Variants in PCDH9 observed in about 807,000 individuals in gnomAD.
The protein encoded by PCDH9 is protocadherin-9.
A neutral mutation model predicts 70.6 loss-of-function variants in PCDH9; 24 were observed. The ratio of observed to expected loss-of-function variants is 0.34; its 90% CI spans 0.25 to 0.48. The LOEUF is 0.48. PCDH9 is among the 20% of genes least tolerant of loss of function. The pLI, the probability that PCDH9 is intolerant of heterozygous loss-of-function variation, is 0.99. For synonymous variants in PCDH9, 562 were observed against 558.5 expected, an observed-to-expected ratio of 1.01 and a Z score of -0.09; for missense variants, 1,281 against 1,503.6, an observed-to-expected ratio of 0.85 and a Z score of 2.45.
At chr13:67,004,552 C>CAAAA (rs34776193) in intron 2 of PCDH9, among the ~76,000 whole-genome samples, 4 of 123,994 alleles carry the variant, frequency 3.2e-5, no homozygotes, top group East Asian at 2.3e-4. Context: ...GACTCCGTCT[C>CAAAA]AAAAAAAAAA....
chr13:67,101,317 A>G (rs80326004), intron 2 of PCDH9, among the ~76,000 whole-genome samples: 3 of 152,112 alleles, frequency 2.0e-5, no homozygotes, highest in Non-Finnish European at 2.9e-5. Context: ...GTGCAGCTGG[A>G]AAAAAAAGTT....
At chr13:66,331,263 CTT>C (rs1955936415) in intron 4 of PCDH9, among the ~76,000 whole-genome samples, 1 of 152,168 alleles carries the variant, frequency 6.6e-6, no homozygotes, top group East Asian at 1.9e-4. Context: ...ACTGGGGAGA[CTT>C]TTCAAATTAC....
intron 3 of PCDH9, among the ~76,000 whole-genome samples, chr13:66,666,816 T>G (rs952372352): frequency 1.3e-5 from 2 of 152,218 alleles, no homozygotes; most frequent in African/African-American, 4.8e-5. Flanking sequence ...TTGCTATATT[T>G]GAGGTATGAG....
intron 3 of PCDH9, among the ~76,000 whole-genome samples, chr13:66,762,291 C>T (rs2079641745): frequency 6.6e-6 from 1 of 152,032 alleles, no homozygotes; most frequent in Non-Finnish European, 1.5e-5. Context: ...ATGATGCAGG[C>T]CAAAGATTTT....
At chr13:66,416,411 C>T (rs766723006) in intron 4 of PCDH9, among the ~76,000 whole-genome samples, 12 of 151,916 alleles carry the variant, frequency 7.9e-5, no homozygotes, top group African/African-American at 1.5e-4. Context: ...CCCCAACAGC[C>T]GACCATATGG....
chr13:66,819,637 C>G (rs2080674369), intron 3 of PCDH9, among the ~76,000 whole-genome samples: 1 of 152,164 alleles, frequency 6.6e-6, no homozygotes, highest in Admixed American at 6.5e-5. Context: ...CTCCTGTAAT[C>G]CCAGCTCTTG....
rs771816767 is a variant in PCDH9 at position 67,121,971 on chromosome 13, C to T, written c.3036+103434G>A. 6.6e-5 allele frequency among the ~76,000 whole-genome samples: 10 copies of T among 152,008 alleles called. 1 individual carries two copies. Among genetic ancestry groups the T allele is most frequent in the Admixed American group, 1.3e-4 (2 of 15,242 alleles). Reference sequence around the variant, plus strand: ...GTACACATATCTATTTTAAAGTGGCCAAGTTAAATATATTGACTAGTCCTT... The same window carrying T: ...GTACACATATCTATTTTAAAGTGGCTAAGTTAAATATATTGACTAGTCCTT... On this transcript the variant is annotated intron_variant, in intron 2 of 4. Coordinates refer to ENST00000377865, the MANE Select transcript of PCDH9 (RefSeq NM_203487.3).
At chr13:66,513,222 C>G (rs1959574975) in intron 4 of PCDH9, among the ~76,000 whole-genome samples, 1 of 144,656 alleles carries the variant, frequency 6.9e-6, no homozygotes, top group Non-Finnish European at 1.5e-5. Context: ...TGTCAGGACA[C>G]TTTATATGCC....
Position 67,226,270 on chromosome 13 carries a change from C to T in PCDH9, c.2171G>A (p.Gly724Asp), listed in dbSNP as rs771274467. The change falls in exon 2 of 5, where the codon GGC (glycine) becomes GAC (aspartate). Residue 724 changes from glycine (G) to aspartate (D), a missense_variant. Transcript: ENST00000377865. The surrounding 1 kb of genome is among the most constrained non-coding windows in gnomAD (Gnocchi z 5.0). ...KYTIVSGNNK[G>D]LFRIDPVTGN... ...TGTTACTGGATCAATCCGGAATAAG[C>T]CTTTATTGTTTCCACTCACTATAGT... 1 of 1,614,128 alleles carries T rather than the reference C, an allele frequency of 6.2e-7. No individual in the cohort carries two copies. Among genetic ancestry groups the T allele is most frequent in the Admixed American group, 1.7e-5 (1 of 60,012 alleles).
intron 2 of PCDH9, among the ~76,000 whole-genome samples, chr13:67,036,997 T>G (rs1021221308): frequency 2.0e-5 from 3 of 152,172 alleles, no homozygotes; most frequent in African/African-American, 7.2e-5. Context: ...GGTTGTAAAT[T>G]AAAACCAGGG....
intron 4 of PCDH9, among the ~76,000 whole-genome samples, chr13:66,377,317 G>C (rs554638021): frequency 6.6e-6 from 1 of 152,158 alleles, no homozygotes; most frequent in East Asian, 1.9e-4. Flanking sequence ...GCCAGTCCCC[G>C]CCCTGAGTTT....
At chr13:66,745,727 A>G (rs965705901) in intron 3 of PCDH9, among the ~76,000 whole-genome samples, 5 of 152,110 alleles carry the variant, frequency 3.3e-5, no homozygotes, top group Non-Finnish European at 7.4e-5. Context: ...TATCTCCCCC[A>G]TTCCATGGAG....
intron 4 of PCDH9, among the ~76,000 whole-genome samples, chr13:66,432,978 A>T (rs1380163195): frequency 6.6e-6 from 1 of 151,956 alleles, no homozygotes; most frequent in African/African-American, 2.4e-5. Context: ...TGCTATGAGG[A>T]AGTAAATTCT....
At chr13:66,429,038 G>A (rs925880399) in intron 4 of PCDH9, among the ~76,000 whole-genome samples, 5 of 148,848 alleles carry the variant, frequency 3.4e-5, no homozygotes, top group African/African-American at 1.0e-4. Flanking sequence ...TAATATGCAT[G>A]TGATTAAATT....
At chr13:66,647,152 C>A (rs1264546551) in intron 3 of PCDH9, among the ~76,000 whole-genome samples, 1 of 152,114 alleles carries the variant, frequency 6.6e-6, no homozygotes, top group Non-Finnish European at 1.5e-5. Context: ...AATTCTGATG[C>A]TATTCTGGGC....
At chr13:66,341,012 T>C (rs536465648) in intron 4 of PCDH9, among the ~76,000 whole-genome samples, 2 of 152,198 alleles carry the variant, frequency 1.3e-5, no homozygotes, top group African/African-American at 4.8e-5. Context: ...TATATTCCTA[T>C]AGTAAAATTC....
At chr13:66,530,944 A>G (rs553065894) in intron 4 of PCDH9, among the ~76,000 whole-genome samples, 1 of 152,178 alleles carries the variant, frequency 6.6e-6, no homozygotes, top group Non-Finnish European at 1.5e-5. Context: ...AGGCCAGGCC[A>G]TGATACTTGA....
At chr13:67,094,199 A>G (rs1022087187) in intron 2 of PCDH9, among the ~76,000 whole-genome samples, 6 of 152,188 alleles carry the variant, frequency 3.9e-5, no homozygotes, top group African/African-American at 1.2e-4. Context: ...AATTATGGGC[A>G]TGAATTCAAA....
At chr13:66,434,855 CA>C (rs1957839546) in intron 4 of PCDH9, among the ~76,000 whole-genome samples, 1 of 151,580 alleles carries the variant, frequency 6.6e-6, no homozygotes, top group African/African-American at 2.4e-5. Context: ...GTCTATGAAA[CA>C]AAAAAGTGAT....
Sources: gnomAD v4.1 joint callset for allele counts (sites outside exome capture counted in the v4.1 genomes callset) on GRCh38, gnomAD v4.1.1 for gene constraint, Gnocchi (gnomAD v3.1) non-coding constraint, MANE v1.5 for transcripts, NCBI Gene and HGNC (gene_info 2026-07-23, HGNC 2026-07-21) for gene names.